Variants in INO80 observed in about 807,000 individuals in gnomAD.
The protein encoded by INO80 is chromatin-remodeling ATPase INO80.
A neutral mutation model predicts 203.4 loss-of-function variants in INO80; 20 were observed. That is an observed-to-expected ratio of 0.10 (90% CI 0.07 to 0.14). INO80 has a LOEUF of 0.14. Among genes scored for constraint, INO80 ranks in the 10% least tolerant of loss-of-function variants. INO80 has a pLI of 1.00. For missense variants in INO80, 1,419 were observed against 1,914.4 expected (o/e 0.74, Z 4.83); for synonymous variants, 726 against 685.2 (o/e 1.06, Z -0.93).
At chr15:41,006,653 G>C (rs763081433) in intron 27 of INO80, among the ~76,000 whole-genome samples, 4 of 152,204 alleles carry the variant, frequency 2.6e-5, no homozygotes, top group Non-Finnish European at 4.4e-5. Flanking sequence ...ATCTGGTGCA[G>C]CGTATGTGAC....
chr15:41,005,557 TA>T (rs1279549068), intron 28 of INO80, 35 bp downstream of exon 28: 2 of 1,172,664 alleles, frequency 1.7e-6, no homozygotes, highest in Admixed American at 1.9e-5. Flanking sequence ...AGAGGGAAAT[TA>T]AAAAGATAAT....
intron 1 of INO80, among the ~76,000 whole-genome samples, chr15:41,111,174 G>T (rs2045953234): frequency 6.6e-6 from 1 of 152,190 alleles, no homozygotes; most frequent in South Asian, 2.1e-4. Flanking sequence ...GGCCAGCCGT[G>T]GTGGTTCACG....
At chr15:40,984,508 G>C (rs1006395356) in intron 32 of INO80, among the ~76,000 whole-genome samples, 156 bp from the exon 33 acceptor site, 7 of 152,142 alleles carry the variant, frequency 4.6e-5, no homozygotes, top group African/African-American at 1.4e-4. Flanking sequence ...TAAGGAAGAA[G>C]GGATAGCTTA....
intron 29 of INO80, among the ~76,000 whole-genome samples, chr15:40,997,275 C>A (rs2043892606): frequency 1.3e-5 from 2 of 151,956 alleles, no homozygotes; most frequent in Admixed American, 1.3e-4. Flanking sequence ...GAGGCCCCAT[C>A]TCAAAAAACA....
chr15:40,983,107 G>T, intron 34 of INO80, 30 bp from the exon 35 acceptor site: 8 of 1,176,410 alleles, frequency 6.8e-6, no homozygotes, highest in Non-Finnish European at 8.2e-6. Flanking sequence ...AAAAGGGAAA[G>T]AAAAAAAAAA....
At position 41,047,405 on chromosome 15, in the gene INO80, C is replaced by A. The variant is rs1321467861; in HGVS notation, c.2735+3G>T. 6.2e-7 allele frequency: 1 copy of A among 1,608,698 alleles called. No individual in the cohort carries two copies. The highest frequency in any genetic ancestry group is 1.7e-5 in the Admixed American group (1 of 59,828). ...CTTATCAAGCAATAAGCAAACCTCT[C>A]ACCTGGCCAAAAGTCCCTGAAGCAT... On this transcript the variant is annotated splice_donor_region_variant and intron_variant, in intron 23 of 35. Coordinates refer to ENST00000648947, the MANE Select transcript of INO80 (RefSeq NM_017553.3).
At position 41,087,588 on chromosome 15, in the gene INO80, T is replaced by C. The variant is rs749584427; in HGVS notation, c.632A>G (p.Lys211Arg). Residue 211 changes from lysine to arginine, a missense_variant, in exon 6 of 36, where the codon AAA becomes AGA. By Grantham distance (26) the Lys-to-Arg change is conservative (BLOSUM62 2). Coordinates refer to ENST00000648947, the MANE Select transcript of INO80 (RefSeq NM_017553.3). ...TTTAAGTTTCTTTTCCTCCTTAAAT[T>C]TCTTTTTCTTGGGTCCAAGTAGGTG... Reference protein sequence around the residue: ...QRHLLGPKKKKFKEEKKLKAK... With the variant: ...QRHLLGPKKKRFKEEKKLKAK... 5 of 1,613,848 alleles carry C rather than the reference T, an allele frequency of 3.1e-6. No individual in the cohort carries two copies. The Admixed American group carries it at 8.3e-5, about 27-fold the overall frequency.
intron 35 of INO80, among the ~76,000 whole-genome samples, chr15:40,982,441 G>A (rs1287290775): frequency 1.3e-5 from 2 of 152,184 alleles, no homozygotes; most frequent in African/African-American, 4.8e-5. Context: ...GAGCCACTGT[G>A]CCTGGCCCAT....
chr15:41,106,069 G>A (rs1566951549), intron 1 of INO80, among the ~76,000 whole-genome samples: 1 of 152,060 alleles, frequency 6.6e-6, no homozygotes, highest in Admixed American at 6.6e-5. Context: ...ACCAGCCTGG[G>A]TAACATAGGG....
intron 26 of INO80, among the ~76,000 whole-genome samples, chr15:41,019,057 T>C (rs932187210): frequency 6.6e-6 from 1 of 152,124 alleles, no homozygotes; most frequent in Admixed American, 6.5e-5. Flanking sequence ...TGTTCAGAGA[T>C]AAAAAGAATG....
chr15:41,005,802 C>G (rs2044032465), intron 27 of INO80, 115 bp from the exon 28 acceptor site: 1 of 570,568 alleles, frequency 1.8e-6, no homozygotes, highest in African/African-American at 1.9e-5. Flanking sequence ...CCATTATAAC[C>G]AGAATGGGGA....
At chr15:41,115,307 GATTACGGAAGTAGTACTTTCC>G in intron 1 of INO80, among the ~76,000 whole-genome samples, 1 of 152,216 alleles carries the variant, frequency 6.6e-6, no homozygotes, top group Non-Finnish European at 1.5e-5. Context: ...TAGCCTCGGA[GATTACGGAAGTAGTACTTTCC>G]ATTAGCGAGC....
At chr15:40,996,262 CAA>C (rs1230562601) in intron 29 of INO80, among the ~76,000 whole-genome samples, 1 of 152,166 alleles carries the variant, frequency 6.6e-6, no homozygotes, top group African/African-American at 2.4e-5. Context: ...TTTTAAATCT[CAA>C]AGTTACTAAA....
chr15:40,986,134 G>C (rs1239923495), intron 31 of INO80, among the ~76,000 whole-genome samples: 1 of 152,120 alleles, frequency 6.6e-6, no homozygotes, highest in South Asian at 2.1e-4. Flanking sequence ...AAACACATGG[G>C]AGGAGGGTTT....
rs991259188 is a variant in INO80, at chr15:41,095,840, T to C, written c.232A>G (p.Asn78Asp). ...CCAGAAGTTTCACCAAGCAATGAAT[T>C]TGGAGGTTCTTCCTTAACTTGTATT... is the stretch of plus-strand genomic sequence containing the variant. ...PLIQVKEEPP[N>D]SLLGETSGAG... The change falls in exon 3 of 36, where the codon AAT becomes GAT. Residue 78 changes from asparagine (N) to aspartate (D), a missense_variant. Transcript: ENST00000648947. 2 of 1,614,114 alleles carry C rather than the reference T, an allele frequency of 1.2e-6. No homozygotes were observed. The highest frequency in any genetic ancestry group is 1.1e-5 in the South Asian group (1 of 91,076).
chr15:41,002,193 C>G (rs1256324338), intron 28 of INO80, among the ~76,000 whole-genome samples: 1 of 152,208 alleles, frequency 6.6e-6, no homozygotes, highest in African/African-American at 2.4e-5. Flanking sequence ...ATAACATTCA[C>G]TGTTACCTAA....
At chr15:40,994,587 G>T (rs2043855849) in intron 29 of INO80, among the ~76,000 whole-genome samples, 2 of 151,892 alleles carry the variant, frequency 1.3e-5, no homozygotes, top group African/African-American at 2.4e-5. Flanking sequence ...GGCTGGTGTC[G>T]AACTCCTGAC....
chr15:41,000,228 T>G (rs1172257581), intron 28 of INO80, among the ~76,000 whole-genome samples: 1 of 152,050 alleles, frequency 6.6e-6, no homozygotes, highest in African/African-American at 2.4e-5. Flanking sequence ...TGCGTGAGAG[T>G]TGATGGGGTC....
intron 29 of INO80, among the ~76,000 whole-genome samples, chr15:40,993,825 T>C (rs1025880225): frequency 6.6e-6 from 1 of 151,982 alleles, no homozygotes; most frequent in Non-Finnish European, 1.5e-5. Flanking sequence ...TCTCCTGAAC[T>C]TCAGACTCTG....
Sources: gnomAD v4.1 joint callset for allele counts (sites outside exome capture counted in the v4.1 genomes callset) on GRCh38, gnomAD v4.1.1 for gene constraint, MANE v1.5 for transcripts, NCBI Gene and HGNC (gene_info 2026-07-23, HGNC 2026-07-21) for gene names.